PPM1E: variants seen among roughly 807,000 people sequenced by gnomAD.
PPM1E encodes protein phosphatase, Mg2+/Mn2+ dependent 1E.
Under a neutral mutation model 65.9 loss-of-function variants are expected in PPM1E, and 20 were observed. The ratio of observed to expected loss-of-function variants is 0.30; its 90% CI spans 0.21 to 0.44. The LOEUF (loss-of-function observed/expected upper bound fraction) is 0.44, where lower values mean the gene tolerates loss of function less well. Ranked by LOEUF, PPM1E falls within the 20% of genes least tolerant of loss-of-function variation. The pLI is 1.00. For missense variants in PPM1E, 713 were observed against 953.1 expected (o/e 0.75, Z 3.32); for synonymous variants, 352 against 374.9 (o/e 0.94, Z 0.70).
intron 1 of PPM1E, among the ~76,000 whole-genome samples, chr17:58,869,614 G>C (rs968584534): frequency 6.6e-6 from 1 of 152,136 alleles, no homozygotes; most frequent in Non-Finnish European, 1.5e-5. Flanking sequence ...GCTTCTTCTT[G>C]TACAGTCTTC....
chr17:58,825,265 A>ACACACACAC lies in PPM1E; in HGVS notation c.464+68804_464+68805insCACACACAC, dbSNP rs1555612293. Among the ~76,000 whole-genome samples the ACACACACAC allele has an allele frequency of 2.4e-5, 3 of 126,524 alleles. No individual in the cohort carries two copies. In the South Asian group the frequency reaches 7.4e-4, roughly 31 times the overall value. The allele number at this position is 126,524 out of a possible 152,430, so 83.0% of individuals were successfully genotyped here. ...ACACACACACACACACACACACACAAAAATAAATAGAATGAAATATCTGGC... is the reference window on the plus strand; with the variant it reads ...ACACACACACACACACACACACACAACACACACACAAATAAATAGAATGAAATATCTGGC... On this transcript the variant is annotated intron_variant, in intron 1 of 6. Transcript: ENST00000308249.
chr17:58,909,959 G>T (rs578125517), intron 1 of PPM1E, among the ~76,000 whole-genome samples: 1 of 114,916 alleles, frequency 8.7e-6, no homozygotes, highest in Non-Finnish European at 1.7e-5. Flanking sequence ...CTGGAGTGCA[G>T]TGGTGCTATC....
At chr17:58,773,243 T>G (rs888228819) in intron 1 of PPM1E, among the ~76,000 whole-genome samples, 1 of 152,164 alleles carries the variant, frequency 6.6e-6, no homozygotes, top group African/African-American at 2.4e-5. Flanking sequence ...CATACTGAGT[T>G]GCTGAGTAGT....
intron 1 of PPM1E, among the ~76,000 whole-genome samples, chr17:58,837,326 C>CACACAT (rs58385842): frequency 0.14 from 17,954 of 131,720 alleles, 1,739 homozygotes; most frequent in East Asian, 0.31. Context: ...GAATAACACA[C>CACACAT]ACACATACAC....
intron 1 of PPM1E, among the ~76,000 whole-genome samples, chr17:58,839,941 A>G (rs532992966): frequency 3.3e-5 from 5 of 152,320 alleles, no homozygotes; most frequent in East Asian, 3.9e-4. Context: ...TCTGACTCCA[A>G]TTGTAAGTTT....
chr17:58,893,586 T>A (rs900800784), intron 1 of PPM1E, among the ~76,000 whole-genome samples: 6 of 152,188 alleles, frequency 3.9e-5, no homozygotes, highest in African/African-American at 1.4e-4. Flanking sequence ...TGAACCTTAG[T>A]GTAAACTATG....
chr17:58,759,324 T>G (rs1025584267), intron 1 of PPM1E, among the ~76,000 whole-genome samples: 2 of 152,212 alleles, frequency 1.3e-5, no homozygotes, highest in African/African-American at 4.8e-5. Context: ...TAAAATAATT[T>G]CAATGACAAT....
At chr17:58,976,493 T>C (rs1006636201) in intron 6 of PPM1E, among the ~76,000 whole-genome samples, 1 of 152,154 alleles carries the variant, frequency 6.6e-6, no homozygotes, top group African/African-American at 2.4e-5. Flanking sequence ...TGGGCAGAGT[T>C]CAGCTCTACT....
intron 1 of PPM1E, among the ~76,000 whole-genome samples, chr17:58,879,357 G>A (rs1418758237): frequency 6.6e-6 from 1 of 150,672 alleles, no homozygotes; most frequent in Non-Finnish European, 1.5e-5. Context: ...TCAAACTCCT[G>A]GACTCAAGCA....
intron 1 of PPM1E, among the ~76,000 whole-genome samples, chr17:58,917,384 A>G (rs1289345500): frequency 1.3e-5 from 2 of 152,164 alleles, no homozygotes; most frequent in African/African-American, 4.8e-5. Context: ...AGAGGATTGT[A>G]GCACTTTTTT....
chr17:58,755,928 A>G lies in PPM1E; in HGVS notation c.-70A>G, dbSNP rs1843659695. On this transcript the variant is annotated 5_prime_UTR_variant, in exon 1 of 7. Transcript: ENST00000308249. Reference sequence around the variant, plus strand: ...CGCCCTTGCCGGAGCCCTAGGCTCAAAAGCAGCCCCTTACCCTTCCTGGGC... The same window carrying G: ...CGCCCTTGCCGGAGCCCTAGGCTCAGAAGCAGCCCCTTACCCTTCCTGGGC... The G allele has an allele frequency of 3.1e-6, 5 of 1,596,558 alleles. No homozygotes were observed. The South Asian group carries it at 5.6e-5, about 18-fold the overall frequency.
At chr17:58,824,248 T>C (rs956659094) in intron 1 of PPM1E, among the ~76,000 whole-genome samples, 1 of 152,132 alleles carries the variant, frequency 6.6e-6, no homozygotes, top group African/African-American at 2.4e-5. Context: ...AAACTTTTTT[T>C]CTCATAGAAA....
At chr17:58,954,101 C>T (rs2052280627) in intron 1 of PPM1E, among the ~76,000 whole-genome samples, 1 of 152,172 alleles carries the variant, frequency 6.6e-6, no homozygotes, top group Non-Finnish European at 1.5e-5. Context: ...ACCCCACTTC[C>T]TTCACAAACT....
At chr17:58,940,762 G>A (rs1258746904) in intron 1 of PPM1E, among the ~76,000 whole-genome samples, 2 of 152,072 alleles carry the variant, frequency 1.3e-5, no homozygotes, top group African/African-American at 4.8e-5. Flanking sequence ...CCAGGCTGGA[G>A]TGCAGTGGTG....
At chr17:58,794,860 G>A (rs749306599) in intron 1 of PPM1E, among the ~76,000 whole-genome samples, 3 of 147,976 alleles carry the variant, frequency 2.0e-5, no homozygotes, top group African/African-American at 5.0e-5. Flanking sequence ...TGTGAATAGT[G>A]TTGTGATGAA....
At chr17:58,787,905 T>TA (rs1284840531) in intron 1 of PPM1E, among the ~76,000 whole-genome samples, 23,603 of 114,116 alleles carry the variant, frequency 0.21, 2,234 homozygotes, top group Non-Finnish European at 0.23. Flanking sequence ...AGACTCTGTC[T>TA]AAAAAAAAAA....
At chr17:58,914,827 T>G (rs1044682183) in intron 1 of PPM1E, among the ~76,000 whole-genome samples, 1 of 152,180 alleles carries the variant, frequency 6.6e-6, no homozygotes, top group Admixed American at 6.5e-5. Flanking sequence ...AAAGTACACA[T>G]AATCTATAGC....
At position 58,755,875 on chromosome 17, in the gene PPM1E, G is replaced by A; in HGVS notation, c.-123G>A. 2 of 1,501,010 alleles carry A rather than the reference G, an allele frequency of 1.3e-6. No individual in the cohort carries two copies. Among genetic ancestry groups the A allele is most frequent in the Non-Finnish European group, 1.8e-6 (2 of 1,126,060 alleles). 93.0% of individuals were successfully genotyped at this position (1,501,010 alleles called of 1,614,324 possible). A position where few individuals can be genotyped will look rare whatever the true frequency, so the allele number is the denominator to read the frequency against. ...AGCCCTCTCCAGGCAACCTAGTGCT[G>A]ATCGCTCGTGCCGGTGCGGCCGTTA... On this transcript the variant is annotated 5_prime_UTR_variant, in exon 1 of 7. Coordinates refer to ENST00000308249, the MANE Select transcript of PPM1E (RefSeq NM_014906.5).
At chr17:58,777,937 G>A (rs1309955041) in intron 1 of PPM1E, among the ~76,000 whole-genome samples, 2 of 152,106 alleles carry the variant, frequency 1.3e-5, no homozygotes, top group Non-Finnish European at 2.9e-5. Context: ...TGATATTGTT[G>A]TTGTTGTTTT....
Sources: allele counts gnomAD v4.1 joint callset (sites outside exome capture counted in the v4.1 genomes callset), GRCh38; gene constraint gnomAD v4.1.1; transcripts MANE v1.5; gene names NCBI Gene and HGNC (gene_info 2026-07-23, HGNC 2026-07-21).